The following PRKN variants were observed in gnomAD, a reference collection of about 807,000 sequenced individuals.
The protein encoded by PRKN is parkin RBR E3 ubiquitin protein ligase, also known as E3 ubiquitin-protein ligase parkin.
Under a neutral mutation model 59.5 loss-of-function variants are expected in PRKN, and 56 were observed. The ratio of observed to expected loss-of-function variants is 0.94; its 90% CI spans 0.76 to 1.18. PRKN has a LOEUF of 1.18. Ranked by LOEUF, PRKN falls within the 50% of genes most tolerant of loss-of-function variation. The pLI is 0.00. For synonymous variants in PRKN, 250 were observed against 222.1 expected (o/e 1.13, Z -1.12); for missense variants, 657 against 596.4 (o/e 1.10, Z -1.06).
intron 2 of PRKN, among the ~76,000 whole-genome samples, chr6:162,326,389 C>G (rs901246118): frequency 6.6e-6 from 1 of 151,986 alleles, no homozygotes; most frequent in Non-Finnish European, 1.5e-5. Context: ...GCACTTTTAT[C>G]ATTTGCCTTA....
At chr6:161,647,224 C>A (rs2128160409) in intron 7 of PRKN, among the ~76,000 whole-genome samples, 1 of 152,318 alleles carries the variant, frequency 6.6e-6, no homozygotes, top group Middle Eastern at 3.4e-3. Flanking sequence ...CCATTCAGAG[C>A]CTTTTCATAT....
intron 1 of PRKN, among the ~76,000 whole-genome samples, chr6:162,499,242 C>T (rs985530579): frequency 1.3e-5 from 2 of 152,122 alleles, no homozygotes; most frequent in Non-Finnish European, 1.5e-5. Context: ...GAATAGTTTT[C>T]TTCTCTCTCC....
At chr6:162,280,125 T>G (rs932139248) in intron 2 of PRKN, among the ~76,000 whole-genome samples, 2 of 152,138 alleles carry the variant, frequency 1.3e-5, no homozygotes, top group Non-Finnish European at 2.9e-5. Flanking sequence ...TTTTATCCAA[T>G]TTGCCAGTCT....
At chr6:162,422,099 A>C (rs1789000814) in intron 2 of PRKN, among the ~76,000 whole-genome samples, 1 of 152,202 alleles carries the variant, frequency 6.6e-6, no homozygotes, top group Non-Finnish European at 1.5e-5. Context: ...TCCAGGAAAG[A>C]TTCTTAGAAT....
chr6:161,823,284 T>C (rs545101141), intron 6 of PRKN, among the ~76,000 whole-genome samples: 19 of 152,200 alleles, frequency 1.2e-4, no homozygotes, highest in Admixed American at 7.9e-4. Context: ...ATGAAATAAA[T>C]AGAATTTCTT....
At chr6:162,650,848 G>A (rs1778401902) in intron 1 of PRKN, among the ~76,000 whole-genome samples, 1 of 152,262 alleles carries the variant, frequency 6.6e-6, no homozygotes, top group East Asian at 1.9e-4. Context: ...TAATTCTGTG[G>A]GAGGAAGGAT....
rs1403295918 is a variant in PRKN, at chr6:161,405,089, C to G, written c.1084-18212G>C. 6.6e-6 allele frequency among the ~76,000 whole-genome samples: 1 copy of G among 152,164 alleles called. No individual in the cohort carries two copies. Among genetic ancestry groups the G allele is most frequent in the African/African-American group, 2.4e-5 (1 of 41,430 alleles). ...CCCACCTTCTCCTCCAGCTCTGACT[C>G]TTTAAACTGAATGCTGATTTATCTC... On this transcript the variant is annotated intron_variant, in intron 9 of 11. Coordinates refer to ENST00000366898, the MANE Select transcript of PRKN (RefSeq NM_004562.3). This position sits in a 1 kb window ranked among gnomAD's most constrained non-coding sequence, Gnocchi z 5.1.
In PRKN at chr6:162,659,747, T is replaced by A. The variant is rs148413391; in HGVS notation, c.7+67915A>T. Among the ~76,000 whole-genome samples the A allele has an allele frequency of 8.3e-4, 127 of 152,214 alleles. 1 individual carries two copies. Among genetic ancestry groups the A allele is most frequent in the African/African-American group, 2.8e-3 (117 of 41,554 alleles). On this transcript the variant is annotated intron_variant, in intron 1 of 11. Transcript: ENST00000366898. Reference sequence around the variant, plus strand: ...TGTTCTATTATACATTTCCCACAGGTACATTTCATAAAAAATTACATTATT... The same window carrying A: ...TGTTCTATTATACATTTCCCACAGGAACATTTCATAAAAAATTACATTATT...
At chr6:162,172,946 CT>C (rs1783356957) in intron 4 of PRKN, among the ~76,000 whole-genome samples, 1 of 152,134 alleles carries the variant, frequency 6.6e-6, no homozygotes, top group Non-Finnish European at 1.5e-5. Flanking sequence ...GTGCAACCCC[CT>C]GAGGGGCTGA....
chr6:161,716,800 G>T (rs190117555), intron 7 of PRKN, among the ~76,000 whole-genome samples: 1 of 152,338 alleles, frequency 6.6e-6, no homozygotes, highest in African/African-American at 2.4e-5. Context: ...GGCCCCCAAG[G>T]TGGCATGGCC....
chr6:162,483,133 T>C (rs4493732), intron 1 of PRKN, among the ~76,000 whole-genome samples: 81,841 of 151,862 alleles, frequency 0.54, 22,412 homozygotes, highest in African/African-American at 0.64. Context: ...AAGACAAACA[T>C]AATGTGAACC....
chr6:162,380,331 T>A (rs1048148777), intron 2 of PRKN, among the ~76,000 whole-genome samples: 1 of 150,888 alleles, frequency 6.6e-6, no homozygotes, highest in African/African-American at 2.4e-5. Flanking sequence ...GGTATCATCA[T>A]AGAGAACAGC....
chr6:162,663,410 A>C (rs943818920), intron 1 of PRKN, among the ~76,000 whole-genome samples: 2 of 151,778 alleles, frequency 1.3e-5, no homozygotes, highest in African/African-American at 4.8e-5. Flanking sequence ...TGAACAGGAA[A>C]AAAAAAAAAA....
chr6:162,114,497 C>A (rs1428321257), intron 4 of PRKN, among the ~76,000 whole-genome samples: 4 of 151,812 alleles, frequency 2.6e-5, no homozygotes, highest in Non-Finnish European at 4.4e-5. Flanking sequence ...GGAGTTCACT[C>A]ATGATTTGGC....
intron 1 of PRKN, among the ~76,000 whole-genome samples, chr6:162,505,442 T>C (rs916446269): frequency 2.6e-5 from 4 of 152,102 alleles, no homozygotes; most frequent in African/African-American, 9.7e-5. Context: ...CGTATTAAAA[T>C]GTAAATTCGC....
chr6:161,430,688 G>T (rs528804053), intron 9 of PRKN, among the ~76,000 whole-genome samples: 1 of 151,324 alleles, frequency 6.6e-6, no homozygotes, highest in East Asian at 1.9e-4. Context: ...AGTGGCGGGC[G>T]CCTGTAGTCC....
chr6:162,183,627 TA>T (rs1783894525), intron 4 of PRKN, among the ~76,000 whole-genome samples: 1 of 152,190 alleles, frequency 6.6e-6, no homozygotes, highest in African/African-American at 2.4e-5. Flanking sequence ...AATATGGTGA[TA>T]AAACTATAAG....
intron 4 of PRKN, among the ~76,000 whole-genome samples, chr6:162,059,999 G>A (rs1222192430): frequency 6.6e-6 from 1 of 152,192 alleles, no homozygotes; most frequent in Non-Finnish European, 1.5e-5. Context: ...CATAAAGCAT[G>A]GTTGCTTGTA....
chr6:161,567,037 T>TG lies in PRKN; in HGVS notation c.933+2317_933+2318insC, dbSNP rs1554277339. Among the ~76,000 whole-genome samples, 120 of 103,794 alleles carry TG rather than the reference T, an allele frequency of 1.2e-3. 1 individual carries two copies. The highest frequency in any genetic ancestry group is 1.9e-3 in the South Asian group (5 of 2,582). The allele number at this position is 103,794 out of a possible 152,430, so 68.1% of individuals were successfully genotyped here. ...CACTGTCCTTGTTTTTTTTTTTTTT[T>TG]TGTGTGTGTGTGTGTGTGTGTGAGA... On this transcript the variant is annotated intron_variant, in intron 8 of 11. Transcript: ENST00000366898.
Sources: gnomAD v4.1 joint callset for allele counts (sites outside exome capture counted in the v4.1 genomes callset) on GRCh38, gnomAD v4.1.1 for gene constraint, Gnocchi (gnomAD v3.1) non-coding constraint, MANE v1.5 for transcripts, NCBI Gene and HGNC (gene_info 2026-07-23, HGNC 2026-07-21) for gene names.